The following TCF12 variants were observed in gnomAD, a reference collection of about 807,000 sequenced individuals.
TCF12 encodes the protein DNA-binding protein HTF4.
In TCF12, 45 loss-of-function variants were observed where a neutral mutation model predicts 86.0. The observed-to-expected ratio is 0.52, with a 90% CI of 0.41 to 0.67. The LOEUF (loss-of-function observed/expected upper bound fraction) is 0.67, where lower values mean the gene tolerates loss of function less well. Among genes scored for constraint, TCF12 ranks in the 30% least tolerant of loss-of-function variants. The pLI is 0.00. For missense variants in TCF12, 881 were observed against 859.9 expected (o/e 1.02, Z -0.31); for synonymous variants, 330 against 299.6 (o/e 1.10, Z -1.05).
intron 5 of TCF12, among the ~76,000 whole-genome samples, chr15:57,108,363 A>G (rs1218265233): frequency 6.6e-6 from 1 of 152,172 alleles, no homozygotes; most frequent in Non-Finnish European, 1.5e-5. Context: ...AGAAAGACAC[A>G]AAAACAATTA....
chr15:57,116,865 G>C (rs1169079552), intron 5 of TCF12, among the ~76,000 whole-genome samples: 2 of 152,114 alleles, frequency 1.3e-5, no homozygotes, highest in Non-Finnish European at 2.9e-5. Flanking sequence ...GGGTAGCTGA[G>C]AAGAAGCTTG....
intron 8 of TCF12, among the ~76,000 whole-genome samples, chr15:57,205,751 A>AG (rs1430287532): frequency 3.3e-5 from 5 of 152,234 alleles, no homozygotes; most frequent in African/African-American, 1.2e-4. Context: ...TTATGCTGAC[A>AG]GTAACCACTG....
chr15:57,066,456 T>C (rs1438998175), intron 4 of TCF12, among the ~76,000 whole-genome samples: 35 of 152,252 alleles, frequency 2.3e-4, no homozygotes, highest in Middle Eastern at 3.4e-3. Flanking sequence ...TCAGTAGAAA[T>C]CAAGTAAATG....
intron 3 of TCF12, among the ~76,000 whole-genome samples, chr15:56,979,428 T>A (rs1219005162): frequency 6.6e-6 from 1 of 152,352 alleles, no homozygotes; most frequent in East Asian, 1.9e-4. Context: ...CAGTAAATAT[T>A]ACTTGCTTGT....
chr15:57,271,371 C>G (rs1400953255), intron 18 of TCF12, among the ~76,000 whole-genome samples: 1 of 152,236 alleles, frequency 6.6e-6, no homozygotes, highest in African/African-American at 2.4e-5. Flanking sequence ...AAGCAAGGCT[C>G]CGTGGGCCTG....
intron 3 of TCF12, among the ~76,000 whole-genome samples, chr15:56,955,408 G>A (rs183740704): frequency 8.1e-4 from 123 of 152,166 alleles, no homozygotes; most frequent in Non-Finnish European, 1.4e-3. Context: ...GTCGTAGGGT[G>A]GGGGGCTGGG....
At chr15:57,148,309 G>A (rs1312949949) in intron 5 of TCF12, among the ~76,000 whole-genome samples, 8 of 151,650 alleles carry the variant, frequency 5.3e-5, no homozygotes, top group African/African-American at 1.9e-4. Flanking sequence ...AAATGCACCT[G>A]TAGTCCCAGC....
At chr15:57,154,336 C>A (rs776011507) in intron 5 of TCF12, among the ~76,000 whole-genome samples, 3 of 152,166 alleles carry the variant, frequency 2.0e-5, no homozygotes, top group Non-Finnish European at 4.4e-5. Flanking sequence ...GCCCTTCTTT[C>A]CCCCGTGAGC....
intron 3 of TCF12, among the ~76,000 whole-genome samples, chr15:57,016,175 T>A (rs537718018): frequency 6.6e-6 from 1 of 152,290 alleles, no homozygotes; most frequent in South Asian, 2.1e-4. Flanking sequence ...TCAGCTGAAA[T>A]GATTAGTGTT....
intron 19 of TCF12, among the ~76,000 whole-genome samples, chr15:57,277,622 CATCTCAAAAAAA>C (rs2061462237): frequency 7.6e-6 from 1 of 131,106 alleles, no homozygotes; most frequent in Non-Finnish European, 1.6e-5. Flanking sequence ...AGTGAGACTC[CATCTCAAAAAAA>C]AAAAAAAAAA....
intron 3 of TCF12, among the ~76,000 whole-genome samples, chr15:57,025,127 T>A (rs2141288095): frequency 6.6e-6 from 1 of 152,282 alleles, no homozygotes; most frequent in African/African-American, 2.4e-5. Flanking sequence ...TCGCCCAGGC[T>A]GGAGTGCAGT....
chr15:57,282,923 G>A (rs1490604817), intron 20 of TCF12, among the ~76,000 whole-genome samples: 2 of 152,134 alleles, frequency 1.3e-5, no homozygotes, highest in African/African-American at 4.8e-5. Flanking sequence ...GTCAGAAAAC[G>A]CTCTTGTTAC....
chr15:57,076,671 T>A (rs1458948227), intron 4 of TCF12, among the ~76,000 whole-genome samples: 1 of 151,674 alleles, frequency 6.6e-6, no homozygotes, highest in African/African-American at 2.4e-5. Flanking sequence ...AGGAATAGAA[T>A]AAACTTTTTC....
intron 3 of TCF12, among the ~76,000 whole-genome samples, chr15:56,995,468 G>A (rs1304481913): frequency 2.6e-5 from 4 of 151,702 alleles, no homozygotes; most frequent in Admixed American, 1.3e-4. Context: ...CCATTTATTT[G>A]TGTCATCTCC....
chr15:56,970,012 T>A (rs1289117771), intron 3 of TCF12, among the ~76,000 whole-genome samples: 1 of 152,218 alleles, frequency 6.6e-6, no homozygotes, highest in East Asian at 1.9e-4. Flanking sequence ...AATCTTAAGC[T>A]ACATTTAGTC....
intron 6 of TCF12, among the ~76,000 whole-genome samples, chr15:57,173,717 T>G (rs1353265484): frequency 6.6e-6 from 1 of 151,918 alleles, no homozygotes; most frequent in African/African-American, 2.4e-5. Context: ...TTTTTTCTTT[T>G]TTTTTTTTTA....
intron 12 of TCF12, 128 bp downstream of exon 12, chr15:57,234,235 G>A (rs1386022009): frequency 4.1e-6 from 3 of 730,914 alleles, no homozygotes; most frequent in South Asian, 1.6e-5. Context: ...CACATTTAGA[G>A]TTATTCTCGG....
chr15:56,951,623 G>A (rs1389531309), intron 3 of TCF12, among the ~76,000 whole-genome samples: 1 of 151,986 alleles, frequency 6.6e-6, no homozygotes, highest in East Asian at 1.9e-4. Flanking sequence ...TTCCTTAATT[G>A]GTCACAAATG....
intron 3 of TCF12, among the ~76,000 whole-genome samples, chr15:57,000,808 T>C (rs1038662471): frequency 6.6e-6 from 1 of 152,072 alleles, no homozygotes; most frequent in Non-Finnish European, 1.5e-5. Flanking sequence ...TGAGGTATGA[T>C]TTGTGTCAAA....
Sources: allele counts gnomAD v4.1 joint callset (sites outside exome capture counted in the v4.1 genomes callset), GRCh38; gene constraint gnomAD v4.1.1; transcripts MANE v1.5; gene names NCBI Gene and HGNC (gene_info 2026-07-23, HGNC 2026-07-21).